The following SDCCAG8 variants were observed in gnomAD, a reference collection of about 807,000 sequenced individuals.
The protein encoded by SDCCAG8 is serologically defined colon cancer antigen 8.
Under a neutral mutation model 101.8 loss-of-function variants are expected in SDCCAG8, and 74 were observed. The ratio of observed to expected loss-of-function variants is 0.73; its 90% CI spans 0.60 to 0.88. The LOEUF (loss-of-function observed/expected upper bound fraction) is 0.88. Ranked by LOEUF, SDCCAG8 falls within the 40% of genes least tolerant of loss-of-function variation. The probability of loss-of-function intolerance (pLI) is 0.00; values close to 1 mark genes in which losing one functional copy is unlikely to be tolerated. For missense variants in SDCCAG8, 787 were observed against 822.6 expected (o/e 0.96, Z 0.53); for synonymous variants, 281 against 292.9 (o/e 0.96, Z 0.41).
chr1:243,448,254 A>C (rs1053845396), intron 16 of SDCCAG8, among the ~76,000 whole-genome samples: 8 of 152,120 alleles, frequency 5.3e-5, no homozygotes, highest in African/African-American at 1.9e-4. Flanking sequence ...CCATTACTAA[A>C]TCTGGCTGTA....
chr1:243,487,484 T>C (rs1665211907), intron 16 of SDCCAG8, among the ~76,000 whole-genome samples: 1 of 152,136 alleles, frequency 6.6e-6, no homozygotes, highest in Non-Finnish European at 1.5e-5. Context: ...AGCATCACCA[T>C]ATATATACAT....
chr1:243,352,473 A>G (rs1032967983), intron 12 of SDCCAG8, among the ~76,000 whole-genome samples: 2 of 152,238 alleles, frequency 1.3e-5, no homozygotes, highest in Non-Finnish European at 2.9e-5. Flanking sequence ...GCCAACTTGC[A>G]AAGTGCCTTC....
At chr1:243,419,418 C>T (rs952804797) in intron 15 of SDCCAG8, among the ~76,000 whole-genome samples, 2 of 152,100 alleles carry the variant, frequency 1.3e-5, no homozygotes, top group African/African-American at 4.8e-5. Context: ...AGCAAACAAA[C>T]AAGATTGTAT....
chr1:243,342,335 C>T (rs1028998966), intron 11 of SDCCAG8, among the ~76,000 whole-genome samples: 7 of 152,208 alleles, frequency 4.6e-5, no homozygotes, highest in Admixed American at 4.6e-4. Context: ...AGCGATTAGA[C>T]TAAATCGCCT....
intron 10 of SDCCAG8, among the ~76,000 whole-genome samples, chr1:243,333,011 T>G (rs2074737116): frequency 6.6e-6 from 1 of 152,264 alleles, no homozygotes; most frequent in Admixed American, 6.5e-5. Flanking sequence ...CCATTTTTCC[T>G]CTTATTCTCA....
At chr1:243,278,669 T>G (rs1222025688) in intron 4 of SDCCAG8, among the ~76,000 whole-genome samples, 2 of 152,240 alleles carry the variant, frequency 1.3e-5, no homozygotes, top group African/African-American at 2.4e-5. Flanking sequence ...CAGCATTTTT[T>G]GTTGATTCTT....
intron 16 of SDCCAG8, among the ~76,000 whole-genome samples, chr1:243,446,898 G>C (rs144212475): frequency 2.0e-4 from 31 of 152,234 alleles, no homozygotes; most frequent in Admixed American, 1.7e-3. Flanking sequence ...ACTTTCTTAG[G>C]AGACTGTATG....
chr1:243,475,926 C>T, intron 16 of SDCCAG8: 1 of 985,316 alleles, frequency 1.0e-6, no homozygotes, highest in Non-Finnish European at 1.2e-6. Context: ...CCTTCTCCCC[C>T]ACAGTGGCAC....
intron 4 of SDCCAG8, among the ~76,000 whole-genome samples, chr1:243,284,001 C>G (rs573833257): frequency 1.3e-5 from 2 of 152,280 alleles, no homozygotes; most frequent in Non-Finnish European, 2.9e-5. Flanking sequence ...ACCTTGGCCT[C>G]CCAAAGTGCT....
intron 9 of SDCCAG8, among the ~76,000 whole-genome samples, chr1:243,322,108 C>T (rs2073805574): frequency 6.6e-6 from 1 of 152,216 alleles, no homozygotes; most frequent in Non-Finnish European, 1.5e-5. Flanking sequence ...CTCTGTTAAA[C>T]TTTAAAATTG....
intron 17 of SDCCAG8, among the ~76,000 whole-genome samples, chr1:243,493,814 G>A (rs546676224): frequency 2.0e-5 from 3 of 151,934 alleles, no homozygotes; most frequent in East Asian, 3.9e-4. Flanking sequence ...GAAGAGAGCC[G>A]AAAACAAGCA....
rs531556085 is a variant in SDCCAG8 at position 243,335,943 on chromosome 1, G to A, written c.1222-5096G>A. On this transcript the variant is annotated intron_variant, in intron 10 of 17. Transcript: ENST00000366541. ...ACTTAGGACTACGGCCTCCACTTGC[G>A]TCCATGTTCCTGCCAAAGACCTGAT... 1.6e-3 allele frequency among the ~76,000 whole-genome samples: 239 copies of A among 152,208 alleles called. 3 individuals are homozygous for A. Among genetic ancestry groups the A allele is most frequent in the African/African-American group, 5.3e-3 (222 of 41,518 alleles).
Position 243,474,381 on chromosome 1 carries a change from C to G in SDCCAG8, c.1986-14633C>G, listed in dbSNP as rs777983027. 1.3e-5 allele frequency among the ~76,000 whole-genome samples: 2 copies of G among 152,218 alleles called. No homozygotes were observed. Among genetic ancestry groups the G allele is most frequent in the Non-Finnish European group, 2.9e-5 (2 of 68,032 alleles). ...CCTGAGCCAGATGCTCCGCACCCAG[C>G]CTCCCCAAGCCCCGGCCGGCTGCCC... On this transcript the variant is annotated intron_variant, in intron 16 of 17. Transcript: ENST00000366541. The surrounding 1 kb of genome is among the most constrained non-coding windows in gnomAD (Gnocchi z 4.7).
At chr1:243,274,517 A>G (rs980402684) in intron 3 of SDCCAG8, 26 bp from the exon 4 acceptor site, 2 of 1,239,388 alleles carry the variant, frequency 1.6e-6, no homozygotes, top group East Asian at 2.4e-5. Context: ...GTATTTATGT[A>G]TTTATTTATT....
intron 1 of SDCCAG8, among the ~76,000 whole-genome samples, chr1:243,263,325 A>G (rs988111805): frequency 1.8e-4 from 27 of 152,326 alleles, no homozygotes; most frequent in Admixed American, 1.3e-4. Context: ...AGCCCCTTCC[A>G]AAAGAGAATT....
chr1:243,341,038 G>C lies in SDCCAG8; in HGVS notation c.1222-1G>C. On this transcript the variant is annotated splice_acceptor_variant, in intron 10 of 17. Coordinates refer to ENST00000366541, the MANE Select transcript of SDCCAG8 (RefSeq NM_006642.5). LOFTEE classifies it high-confidence loss of function. Reference sequence around the variant, plus strand: ...TTTAGGACTTTTATTTTCCCTTACAGATGTTGATCTTGTCTCAGAATATTG... The same window carrying C: ...TTTAGGACTTTTATTTTCCCTTACACATGTTGATCTTGTCTCAGAATATTG... The C allele has an allele frequency of 6.2e-7, 1 of 1,613,298 alleles. No individual in the cohort carries two copies. The highest frequency in any genetic ancestry group is 8.5e-7 in the Non-Finnish European group (1 of 1,179,260).
intron 9 of SDCCAG8, among the ~76,000 whole-genome samples, chr1:243,323,860 C>G (rs980839585): frequency 2.0e-5 from 3 of 152,172 alleles, no homozygotes; most frequent in Non-Finnish European, 2.9e-5. Flanking sequence ...CATACCATCT[C>G]TTTCCCTTGA....
chr1:243,408,789 C>T (rs2079963966), intron 13 of SDCCAG8, among the ~76,000 whole-genome samples: 1 of 152,114 alleles, frequency 6.6e-6, no homozygotes, highest in African/African-American at 2.4e-5. Context: ...ACTAAGAGAA[C>T]CTACTTTATA....
chr1:243,281,811 A>G (rs909888804), intron 4 of SDCCAG8, among the ~76,000 whole-genome samples: 2 of 150,738 alleles, frequency 1.3e-5, no homozygotes, highest in African/African-American at 4.9e-5. Context: ...TGCCTGGCTA[A>G]TTTTTATGTT....
Sources: gnomAD v4.1 joint callset for allele counts (sites outside exome capture counted in the v4.1 genomes callset) on GRCh38, gnomAD v4.1.1 for gene constraint, Gnocchi (gnomAD v3.1) non-coding constraint, MANE v1.5 for transcripts, NCBI Gene and HGNC (gene_info 2026-07-23, HGNC 2026-07-21) for gene names.